ZNF212: variants seen among roughly 807,000 people sequenced by gnomAD.
The protein encoded by ZNF212 is zinc finger protein 212.
In ZNF212, 32 loss-of-function variants were observed where a neutral mutation model predicts 47.3. The ratio of observed to expected loss-of-function variants is 0.68; its 90% CI spans 0.51 to 0.91. The LOEUF (loss-of-function observed/expected upper bound fraction) is 0.91. Among genes scored for constraint, ZNF212 ranks in the 40% least tolerant of loss-of-function variants. ZNF212 has a pLI of 0.00. For missense variants in ZNF212, 555 were observed against 622.8 expected (o/e 0.89, Z 1.16); for synonymous variants, 242 against 253.8 (o/e 0.95, Z 0.44).
intron 1 of ZNF212, among the ~76,000 whole-genome samples, chr7:149,240,503 T>C (rs991085851): frequency 6.6e-6 from 1 of 151,768 alleles, no homozygotes. Context: ...AGCTGTCCAT[T>C]TGGGTGATTT....
rs914769993 is a variant in ZNF212 at position 149,250,612 on chromosome 7, C to T, written c.414+64C>T. 7 of 1,609,750 alleles carry T rather than the reference C, an allele frequency of 4.3e-6. No individual in the cohort carries two copies. The South Asian group carries it at 5.5e-5, about 13-fold the overall frequency. Reference sequence around the variant, plus strand: ...GAGCCAGCCCTTTAATATGTAAGCACCTCAGTTGCTGGCTTTTCTGTCATA... The same window carrying T: ...GAGCCAGCCCTTTAATATGTAAGCATCTCAGTTGCTGGCTTTTCTGTCATA... On this transcript the variant is annotated intron_variant, in intron 2 of 4. Transcript: ENST00000335870.
chr7:149,240,454 G>A (rs978148338), intron 1 of ZNF212, among the ~76,000 whole-genome samples: 4 of 150,054 alleles, frequency 2.7e-5, no homozygotes, highest in African/African-American at 4.9e-5. Flanking sequence ...ACGGAGTTTG[G>A]TGTGAGGAAA....
At position 149,239,690 on chromosome 7, in the gene ZNF212, CTTCCAACA is replaced by C. The variant is rs2129524106; in HGVS notation, c.-88_-81del. 1 of 1,294,142 alleles carries C rather than the reference CTTCCAACA, an allele frequency of 7.7e-7. No individual in the cohort carries two copies. Among genetic ancestry groups the C allele is most frequent in the Non-Finnish European group, 9.8e-7 (1 of 1,016,406 alleles). 80.2% of individuals were successfully genotyped at this position (1,294,142 alleles called of 1,614,324 possible). A position where few individuals can be genotyped will look rare whatever the true frequency, so the allele number is the denominator to read the frequency against. ...ATCAACACGGCGGCGGCGGCGGCGG[CTTCCAACA>C]GGCTCTGGGGCGCCGAGCGGACAGG... is the stretch of plus-strand genomic sequence containing the variant. On this transcript the variant is annotated 5_prime_UTR_variant, in exon 1 of 5. An upstream open reading frame in the 5' UTR gains an earlier in-frame stop. Transcript: ENST00000335870.
chr7:149,251,522 C>CT (rs1563189234), intron 3 of ZNF212, among the ~76,000 whole-genome samples: 2 of 117,452 alleles, frequency 1.7e-5, no homozygotes, highest in Non-Finnish European at 3.3e-5. Context: ...TTTTGAGACT[C>CT]TGTCACCTAG....
At chr7:149,241,429 C>T (rs570591577) in intron 1 of ZNF212, among the ~76,000 whole-genome samples, 4 of 91,738 alleles carry the variant, frequency 4.4e-5, no homozygotes, top group Middle Eastern at 6.0e-3. Context: ...AAGACTCTGT[C>T]TCAAAAAAAA....
intron 1 of ZNF212, among the ~76,000 whole-genome samples, chr7:149,247,908 G>T (rs1796700109): frequency 1.3e-5 from 2 of 152,218 alleles, no homozygotes; most frequent in African/African-American, 4.8e-5. Context: ...GAAAGTTCAA[G>T]ATTGGGCAGC....
At chr7:149,250,045 T>G in intron 1 of ZNF212, 114 bp from the exon 2 acceptor site, 2 of 1,044,866 alleles carry the variant, frequency 1.9e-6, no homozygotes, top group Non-Finnish European at 2.5e-6. Flanking sequence ...ATAAAAGACA[T>G]GCTTTTTTTT....
chr7:149,254,634 G>C lies in ZNF212; in HGVS notation c.*219G>C, dbSNP rs1458486247. 2 of 634,310 alleles carry C rather than the reference G, an allele frequency of 3.2e-6. No homozygotes were observed. Among genetic ancestry groups the C allele is most frequent in the Non-Finnish European group, 5.0e-6 (2 of 398,810 alleles). 39.3% of individuals were successfully genotyped at this position (634,310 alleles called of 1,614,324 possible). A position where few individuals can be genotyped will look rare whatever the true frequency, so the allele number is the denominator to read the frequency against. ...CTGCTGCCAAGTTTGCTGTTTCTTG[G>C]CACCTTCAGGTCTCTGGTTTTCTCA... On this transcript the variant is annotated 3_prime_UTR_variant, in exon 5 of 5. Transcript: ENST00000335870. The surrounding 1 kb of genome is among the most constrained non-coding windows in gnomAD (Gnocchi z 4.5).
rs1423452498 is a variant in ZNF212, at chr7:149,254,206, C to T, written c.1279C>T (p.Leu427Phe). The change falls in exon 5 of 5, where the codon CTC becomes TTC. Residue 427 changes from leucine (L) to phenylalanine (F), a missense_variant. Physicochemically the swap from Leu to Phe is conservative, Grantham distance 22 (BLOSUM62 0). Coordinates refer to ENST00000335870, the MANE Select transcript of ZNF212 (RefSeq NM_012256.4). The surrounding 1 kb of genome is among the most constrained non-coding windows in gnomAD (Gnocchi z 4.5). Reference sequence around the variant, plus strand: ...CCCTTGGAGGAAAAGCCGGAGTTCCCTCATCTGTGGTTACTGTGGCAAGAG... The same window carrying T: ...CCCTTGGAGGAAAAGCCGGAGTTCCTTCATCTGTGGTTACTGTGGCAAGAG... ...HIPWRKSRSSLICGYCGKSFS... is the reference protein window; with the variant it reads ...HIPWRKSRSSFICGYCGKSFS... 3 of 1,614,138 alleles carry T rather than the reference C, an allele frequency of 1.9e-6. No homozygotes were observed. Among genetic ancestry groups the T allele is most frequent in the East Asian group, 2.2e-5 (1 of 44,902 alleles).
chr7:149,244,350 T>C (rs1796644654), intron 1 of ZNF212, among the ~76,000 whole-genome samples: 1 of 152,208 alleles, frequency 6.6e-6, no homozygotes, highest in Non-Finnish European at 1.5e-5. Context: ...TCTCTCTCTG[T>C]TGCCCAGACT....
chr7:149,239,864 G>T, intron 1 of ZNF212, 62 bp downstream of exon 1: 3 of 1,261,332 alleles, frequency 2.4e-6, no homozygotes, highest in Non-Finnish European at 3.0e-6. Flanking sequence ...CCCCTGCCGG[G>T]GGCGGGGCTT....
intron 3 of ZNF212, among the ~76,000 whole-genome samples, chr7:149,252,074 A>AT (rs1351174563): frequency 6.6e-6 from 1 of 151,740 alleles, no homozygotes; most frequent in Non-Finnish European, 1.5e-5. Flanking sequence ...GGTCTCAGTG[A>AT]TTTTTTCTTG....
rs150585649 is a variant in ZNF212 at position 149,252,733 on chromosome 7, C to T, written c.569C>T (p.Ala190Val). Residue 190 changes from alanine to valine, a missense_variant, in exon 4 of 5, where the codon GCG becomes GTG. Coordinates refer to ENST00000335870, the MANE Select transcript of ZNF212 (RefSeq NM_012256.4). The stretch of plus-strand genomic sequence containing the variant: ...GTCCTTGGCCAGACAGAGGGAGAAG[C>T]GGAGTTGGGTACAGAGATGCTGGGT... ...LKVLGQTEGE[A>V]ELGTEMLGDL... The T allele has an allele frequency of 4.7e-5, 76 of 1,614,078 alleles. No individual in the cohort carries two copies. The highest frequency in any genetic ancestry group is 9.3e-5 in the African/African-American group (7 of 75,026).
chr7:149,245,068 G>C (rs1319124367), intron 1 of ZNF212, among the ~76,000 whole-genome samples: 1 of 152,166 alleles, frequency 6.6e-6, no homozygotes, highest in Non-Finnish European at 1.5e-5. Flanking sequence ...GTCTCAAAAG[G>C]CTGGGCATGG....
intron 1 of ZNF212, 127 bp downstream of exon 1, chr7:149,239,929 T>G (rs1394893752): frequency 9.0e-7 from 1 of 1,112,028 alleles, no homozygotes; most frequent in Non-Finnish European, 1.2e-6. Context: ...TTGGCGCGGG[T>G]GAACGCGGAC....
chr7:149,244,495 A>G (rs1263923729), intron 1 of ZNF212, among the ~76,000 whole-genome samples: 1 of 151,646 alleles, frequency 6.6e-6, no homozygotes, highest in Non-Finnish European at 1.5e-5. Context: ...TTGTATTTTT[A>G]GTAGAGATGG....
Position 149,253,770 on chromosome 7 carries a change from C to G in ZNF212, c.843C>G (p.Ser281Arg), listed in dbSNP as rs368845194. 30 of 1,613,988 alleles carry G rather than the reference C, an allele frequency of 1.9e-5. No individual in the cohort carries two copies. The African/African-American group carries it at 4.0e-4, about 22-fold the overall frequency. ...CTGTTGGTAGTAGAGTTCCTAGCAG[C>G]AGCAGAACTGTGGGCTGCCCGAAGC... ...EEPVGSRVPS[S>R]SRTVGCPKQK... Residue 281 changes from serine (S) to arginine (R), a missense_variant, in exon 5 of 5, where the codon AGC becomes AGG. By Grantham distance (110) the Ser-to-Arg change is moderately radical (BLOSUM62 -1). Transcript: ENST00000335870.
rs781318703 is a variant in ZNF212 at position 149,250,467 on chromosome 7, G to A, written c.333G>A (p.Leu111=). The A allele has an allele frequency of 6.2e-7, 1 of 1,614,072 alleles. No homozygotes were observed. The highest frequency in any genetic ancestry group is 8.5e-7 in the Non-Finnish European group (1 of 1,180,022). The change falls in exon 2 of 5, where the codon CTG becomes CTA. Residue 111 remains leucine, a synonymous_variant. Transcript: ENST00000335870. The stretch of plus-strand genomic sequence containing the variant: ...AGTATGGGCTACTGCAGAGGCGGCT[G>A]GAGAACGTGGAGAACCTGCTGCGCA... ...LQEYGLLQRR[L]ENVENLLRNR... is the part of the protein sequence containing the mutation.
chr7:149,245,792 G>A (rs1177690938), intron 1 of ZNF212, among the ~76,000 whole-genome samples: 1 of 152,188 alleles, frequency 6.6e-6, no homozygotes, highest in African/African-American at 2.4e-5. Context: ...ACAGACTCGA[G>A]CCACTGTGCC....
Sources: allele counts gnomAD v4.1 joint callset (sites outside exome capture counted in the v4.1 genomes callset), GRCh38; gene constraint gnomAD v4.1.1; non-coding constraint Gnocchi (gnomAD v3.1); transcripts MANE v1.5; gene names NCBI Gene and HGNC (gene_info 2026-07-23, HGNC 2026-07-21).